The following FHIT variants were observed in gnomAD, a reference collection of about 807,000 sequenced individuals.
The protein encoded by FHIT is fragile histidine triad diadenosine triphosphatase, also known as bis(5'-adenosyl)-triphosphatase.
A neutral mutation model predicts 17.9 loss-of-function variants in FHIT; 19 were observed. The ratio of observed to expected loss-of-function variants is 1.06; its 90% confidence interval spans 0.74 to 1.56. The LOEUF (loss-of-function observed/expected upper bound fraction) is 1.56. FHIT is among the 40% of genes most tolerant of loss of function. The pLI is 0.00. For missense variants in FHIT, 248 were observed against 189.2 expected (o/e 1.31, Z -1.82); for synonymous variants, 81 against 69.7 (o/e 1.16, Z -0.81).
At chr3:60,052,008 T>G (rs1354658459) in intron 5 of FHIT, among the ~76,000 whole-genome samples, 1 of 152,114 alleles carries the variant, frequency 6.6e-6, no homozygotes, top group African/African-American at 2.4e-5. Context: ...GAGCCTCTAT[T>G]TGCACCCCAA....
intron 5 of FHIT, among the ~76,000 whole-genome samples, chr3:60,267,244 G>A (rs1479633496): frequency 1.3e-5 from 2 of 151,596 alleles, no homozygotes; most frequent in Non-Finnish European, 2.9e-5. Context: ...TGAGGGAGAG[G>A]AAGGAGGGAC....
chr3:60,607,085 T>C (rs1435985022), intron 4 of FHIT, among the ~76,000 whole-genome samples: 1 of 152,112 alleles, frequency 6.6e-6, no homozygotes, highest in African/African-American at 2.4e-5. Context: ...ATTACTAGTG[T>C]CTGTCATCAG....
chr3:60,104,551 T>G (rs1704328981), intron 5 of FHIT, among the ~76,000 whole-genome samples: 1 of 151,836 alleles, frequency 6.6e-6, no homozygotes, highest in Non-Finnish European at 1.5e-5. Flanking sequence ...GAGGTTTTTA[T>G]CTTTTAGAAT....
chr3:60,078,794 C>G (rs1399913093), intron 5 of FHIT, among the ~76,000 whole-genome samples: 2 of 151,972 alleles, frequency 1.3e-5, no homozygotes, highest in Non-Finnish European at 2.9e-5. Context: ...ATGGTACACA[C>G]ACTCATATAT....
intron 1 of FHIT, among the ~76,000 whole-genome samples, chr3:61,225,599 C>T (rs1412629527): frequency 6.6e-6 from 1 of 152,146 alleles, no homozygotes; most frequent in Admixed American, 6.5e-5. Flanking sequence ...ATACTTTCTG[C>T]GGTTTCAGTA....
At chr3:60,592,937 G>A (rs574649244) in intron 4 of FHIT, among the ~76,000 whole-genome samples, 1 of 152,056 alleles carries the variant, frequency 6.6e-6, no homozygotes, top group South Asian at 2.1e-4. Flanking sequence ...TGTCTTGATG[G>A]TTATAGCAAA....
At chr3:60,199,221 G>C (rs977455120) in intron 5 of FHIT, among the ~76,000 whole-genome samples, 2 of 152,136 alleles carry the variant, frequency 1.3e-5, no homozygotes, top group East Asian at 1.9e-4. Flanking sequence ...CAATGAACTA[G>C]TAGAGCAGCC....
chr3:60,756,092 C>G (rs2042565556), intron 4 of FHIT, among the ~76,000 whole-genome samples: 1 of 152,124 alleles, frequency 6.6e-6, no homozygotes, highest in South Asian at 2.1e-4. Flanking sequence ...AAAGAAAATA[C>G]CTGGCACAGA....
intron 5 of FHIT, among the ~76,000 whole-genome samples, chr3:60,460,519 C>A (rs983896200): frequency 6.6e-6 from 1 of 151,888 alleles, no homozygotes; most frequent in Non-Finnish European, 1.5e-5. Flanking sequence ...TTCAACTAAA[C>A]GAATTTTTTA....
chr3:61,048,851 C>T (rs2033914929), intron 2 of FHIT, among the ~76,000 whole-genome samples: 1 of 152,068 alleles, frequency 6.6e-6, no homozygotes, highest in Non-Finnish European at 1.5e-5. Context: ...TGGAAACAAT[C>T]ATTTTCAGCA....
intron 4 of FHIT, among the ~76,000 whole-genome samples, chr3:60,587,566 C>T (rs782302993): frequency 2.2e-4 from 33 of 151,946 alleles, no homozygotes; most frequent in Non-Finnish European, 4.4e-4. Context: ...TGATATTCAC[C>T]GGGATAAAGA....
At chr3:60,061,500 T>A (rs1301794286) in intron 5 of FHIT, among the ~76,000 whole-genome samples, 1 of 152,212 alleles carries the variant, frequency 6.6e-6, no homozygotes, top group Non-Finnish European at 1.5e-5. Flanking sequence ...CAAAATAAAA[T>A]GCAAACTGAG....
intron 8 of FHIT, among the ~76,000 whole-genome samples, chr3:59,823,372 T>G (rs1700863006): frequency 6.6e-6 from 1 of 152,220 alleles, no homozygotes; most frequent in Non-Finnish European, 1.5e-5. Flanking sequence ...ATTTGTAGAC[T>G]GCTTTAGGCA....
At chr3:61,037,435 T>C (rs2033312063) in intron 3 of FHIT, among the ~76,000 whole-genome samples, 1 of 152,168 alleles carries the variant, frequency 6.6e-6, no homozygotes, top group Admixed American at 6.5e-5. Flanking sequence ...CCAGATGATA[T>C]TAGATGGTAC....
At chr3:61,192,777 CA>C (rs66915314) in intron 2 of FHIT, among the ~76,000 whole-genome samples, 56,822 of 150,658 alleles carry the variant, frequency 0.38, 11,391 homozygotes, top group East Asian at 0.8. Flanking sequence ...ATTCTCTCTA[CA>C]AAAAAAAAGA....
intron 4 of FHIT, among the ~76,000 whole-genome samples, chr3:60,714,904 T>C (rs1436598446): frequency 6.6e-6 from 1 of 152,190 alleles, no homozygotes; most frequent in South Asian, 2.1e-4. Flanking sequence ...AAGCTACCAA[T>C]GTCTTTCTTC....
chr3:60,314,121 C>T (rs1325813506), intron 5 of FHIT, among the ~76,000 whole-genome samples: 1 of 152,092 alleles, frequency 6.6e-6, no homozygotes, highest in Non-Finnish European at 1.5e-5. Context: ...AAACATTTTC[C>T]CTTCAATCTC....
At chr3:59,995,171 A>T (rs1326224248) in intron 7 of FHIT, among the ~76,000 whole-genome samples, 1 of 152,000 alleles carries the variant, frequency 6.6e-6, no homozygotes, top group Non-Finnish European at 1.5e-5. Flanking sequence ...TGCAACCGGA[A>T]ATTACAAAGA....
At chr3:60,252,623 T>C (rs1705772068) in intron 5 of FHIT, among the ~76,000 whole-genome samples, 1 of 151,976 alleles carries the variant, frequency 6.6e-6, no homozygotes, top group South Asian at 2.1e-4. Flanking sequence ...ATTATGGTAG[T>C]AGACACCTTT....
Sources: gnomAD v4.1 joint callset for allele counts (sites outside exome capture counted in the v4.1 genomes callset) on GRCh38, gnomAD v4.1.1 for gene constraint, MANE v1.5 for transcripts, NCBI Gene and HGNC (gene_info 2026-07-23, HGNC 2026-07-21) for gene names.